Variants in ADAMTS2 observed in about 807,000 individuals in gnomAD.
The protein encoded by ADAMTS2 is A disintegrin and metalloproteinase with thrombospondin motifs 2.
A neutral mutation model predicts 123.0 loss-of-function variants in ADAMTS2; 50 were observed. That is an observed-to-expected ratio of 0.41 (90% CI 0.32 to 0.51). The LOEUF is 0.51. ADAMTS2 is among the 20% of genes least tolerant of loss of function. The pLI, the probability that ADAMTS2 is intolerant of heterozygous loss-of-function variation, is 0.35. For synonymous variants in ADAMTS2, 678 were observed against 695.4 expected, an observed-to-expected ratio of 0.98 and a Z score of 0.39; for missense variants, 1,494 against 1,705.2, an observed-to-expected ratio of 0.88 and a Z score of 2.18.
chr5:179,265,534 G>A (rs991667113), intron 3 of ADAMTS2, among the ~76,000 whole-genome samples: 1 of 152,188 alleles, frequency 6.6e-6, no homozygotes, highest in Non-Finnish European at 1.5e-5. Context: ...TGCCTTCACA[G>A]CCCAGGGGGT....
intron 6 of ADAMTS2, among the ~76,000 whole-genome samples, chr5:179,156,961 C>CTTTTTT (rs70997667): frequency 1.4e-4 from 15 of 108,382 alleles, no homozygotes; most frequent in South Asian, 3.2e-4. Context: ...TTCATTTTTT[C>CTTTTTT]TTTTTTTTTT....
At chr5:179,230,302 C>T (rs1345600023) in intron 3 of ADAMTS2, among the ~76,000 whole-genome samples, 1 of 152,160 alleles carries the variant, frequency 6.6e-6, no homozygotes, top group Non-Finnish European at 1.5e-5. Context: ...GCGGTCTGGA[C>T]ATCCCAGGGC....
chr5:179,139,712 C>T (rs968973273), intron 11 of ADAMTS2, among the ~76,000 whole-genome samples, 178 bp downstream of exon 11: 28 of 152,158 alleles, frequency 1.8e-4, no homozygotes, highest in Admixed American at 1.4e-3. Flanking sequence ...CAGAGCTAAG[C>T]GTCCCCTGAG....
rs546366317 is a variant in ADAMTS2, at chr5:179,295,584, G to T, written c.535-22520C>A. On this transcript the variant is annotated intron_variant, in intron 2 of 21. Coordinates refer to ENST00000251582, the MANE Select transcript of ADAMTS2 (RefSeq NM_014244.5). ...AGTCCAGGTGCTGGTCCCATCTCTAGGGTTTGGGATGGGACTTCCACACTC... is the reference window on the plus strand; with the variant it reads ...AGTCCAGGTGCTGGTCCCATCTCTATGGTTTGGGATGGGACTTCCACACTC... Among the ~76,000 whole-genome samples, 179 of 152,310 alleles carry T rather than the reference G, an allele frequency of 1.2e-3. 1 individual carries two copies. Among genetic ancestry groups the T allele is most frequent in the African/African-American group, 4.1e-3 (170 of 41,566 alleles).
At chr5:179,172,635 G>C (rs1202744306) in intron 5 of ADAMTS2, among the ~76,000 whole-genome samples, 1 of 152,226 alleles carries the variant, frequency 6.6e-6, no homozygotes, top group Non-Finnish European at 1.5e-5. Flanking sequence ...AGCGCCCATA[G>C]GGTGGAACAC....
Position 179,117,057 on chromosome 5 carries a change from G to A in ADAMTS2, c.3179-2733C>T, listed in dbSNP as rs2113167883. Among the ~76,000 whole-genome samples, 1 of 152,316 alleles carries A rather than the reference G, an allele frequency of 6.6e-6. No individual in the cohort carries two copies. Among genetic ancestry groups the A allele is most frequent in the African/African-American group, 2.4e-5 (1 of 41,564 alleles). On this transcript the variant is annotated intron_variant, in intron 21 of 21. Transcript: ENST00000251582. This position sits in a 1 kb window ranked among gnomAD's most constrained non-coding sequence, Gnocchi z 4.2. Reference sequence around the variant, plus strand: ...TCTCAGATAAAAATCTTACACAGGTGCCCAATATATGAAACAGATAGACTC... The same window carrying A: ...TCTCAGATAAAAATCTTACACAGGTACCCAATATATGAAACAGATAGACTC...
In ADAMTS2 at chr5:179,170,327, C is replaced by A. The variant is rs1763789152; in HGVS notation, c.975+10745G>T. ...CACAATTTGGGATGAATAACAGGAA[C>A]CGAGTATCTGGGCCACTTTCTGCCC... is the stretch of plus-strand genomic sequence containing the variant. On this transcript the variant is annotated intron_variant, in intron 5 of 21. Coordinates refer to ENST00000251582, the MANE Select transcript of ADAMTS2 (RefSeq NM_014244.5). The surrounding 1 kb of genome is among the most constrained non-coding windows in gnomAD (Gnocchi z 4.3). Among the ~76,000 whole-genome samples the A allele has an allele frequency of 2.0e-5, 3 of 152,214 alleles. No homozygotes were observed. In the Middle Eastern group the frequency reaches 0.01, roughly 518 times the overall value.
At chr5:179,224,914 G>A (rs572469438) in intron 3 of ADAMTS2, among the ~76,000 whole-genome samples, 49 of 152,262 alleles carry the variant, frequency 3.2e-4, no homozygotes, top group African/African-American at 9.6e-4. Context: ...ATCCTCCTCC[G>A]TCTGGCCTGG....
chr5:179,228,050 G>A lies in ADAMTS2; in HGVS notation c.689-20335C>T, dbSNP rs1291797868. ...GACCCTCGGGAGGAGCCGCGTGGGA[G>A]GAGGAGAAGGCCGTGTGGGGCGTGT... On this transcript the variant is annotated intron_variant, in intron 3 of 21. Coordinates refer to ENST00000251582, the MANE Select transcript of ADAMTS2 (RefSeq NM_014244.5). This position sits in a 1 kb window ranked among gnomAD's most constrained non-coding sequence, Gnocchi z 5.2. Among the ~76,000 whole-genome samples the A allele has an allele frequency of 2.0e-5, 3 of 152,134 alleles. No homozygotes were observed. The highest frequency in any genetic ancestry group is 7.2e-5 in the African/African-American group (3 of 41,428).
In ADAMTS2 at chr5:179,260,321, G is replaced by A. The variant is rs548612913; in HGVS notation, c.688+12590C>T. Among the ~76,000 whole-genome samples, 28 of 152,280 alleles carry A rather than the reference G, an allele frequency of 1.8e-4. No homozygotes were observed. The South Asian group carries it at 2.3e-3, about 12-fold the overall frequency. On this transcript the variant is annotated intron_variant, in intron 3 of 21. Transcript: ENST00000251582. The surrounding 1 kb of genome is among the most constrained non-coding windows in gnomAD (Gnocchi z 4.2). Reference sequence around the variant, plus strand: ...ATTCTTTCTTTTCACGGATATTTACGCACCAACCGTGTGCCAGGCATTCCT... The same window carrying A: ...ATTCTTTCTTTTCACGGATATTTACACACCAACCGTGTGCCAGGCATTCCT...
chr5:179,326,126 T>G (rs1473912790), intron 2 of ADAMTS2, among the ~76,000 whole-genome samples: 1 of 152,210 alleles, frequency 6.6e-6, no homozygotes, highest in Non-Finnish European at 1.5e-5. Context: ...CATTCCAGAC[T>G]GGAAATCTTT....
chr5:179,186,841 C>T (rs963637134), intron 4 of ADAMTS2, among the ~76,000 whole-genome samples: 1 of 136,180 alleles, frequency 7.3e-6, no homozygotes, highest in Admixed American at 7.3e-5. Context: ...GTCCTCCCCA[C>T]CCCCCCACCC....
chr5:179,292,983 G>T (rs781268264), intron 2 of ADAMTS2, among the ~76,000 whole-genome samples: 1 of 152,184 alleles, frequency 6.6e-6, no homozygotes, highest in South Asian at 2.1e-4. Flanking sequence ...CAGGAGCTAC[G>T]CTGGCCGGTC....
At chr5:179,304,274 A>G (rs1231361886) in intron 2 of ADAMTS2, among the ~76,000 whole-genome samples, 3 of 152,232 alleles carry the variant, frequency 2.0e-5, no homozygotes, top group Non-Finnish European at 4.4e-5. Flanking sequence ...TCATAGGGTA[A>G]TATCAAAGTG....
At chr5:179,208,352 G>A (rs1344005519) in intron 3 of ADAMTS2, among the ~76,000 whole-genome samples, 5 of 152,178 alleles carry the variant, frequency 3.3e-5, no homozygotes, top group Admixed American at 3.3e-4. Context: ...CTGAAGCGAG[G>A]CCCCACATCT....
At chr5:179,183,069 C>T (rs548281278) in intron 4 of ADAMTS2, among the ~76,000 whole-genome samples, 127 of 152,304 alleles carry the variant, frequency 8.3e-4, no homozygotes, top group African/African-American at 2.8e-3. Context: ...AACAATGAAA[C>T]GGTTTTTCAT....
At chr5:179,287,239 T>A (rs1045875445) in intron 2 of ADAMTS2, among the ~76,000 whole-genome samples, 1 of 152,142 alleles carries the variant, frequency 6.6e-6, no homozygotes, top group African/African-American at 2.4e-5. Flanking sequence ...AAGCTGCCAC[T>A]CCAGGGAAGT....
Position 179,154,030 on chromosome 5 carries a change from G to A in ADAMTS2, c.1382+19C>T. 2 of 1,591,950 alleles carry A rather than the reference G, an allele frequency of 1.3e-6. No homozygotes were observed. Among genetic ancestry groups the A allele is most frequent in the East Asian group, 2.3e-5 (1 of 44,320 alleles). ...CAGGGACTGAGGGGTCGCCCACGGG[G>A]CACATGGGCAGTACTCACTGCAGGT... On this transcript the variant is annotated intron_variant, in intron 8 of 21. Coordinates refer to ENST00000251582, the MANE Select transcript of ADAMTS2 (RefSeq NM_014244.5).
In ADAMTS2 at chr5:179,256,538, GA is replaced by G. The variant is rs869043494; in HGVS notation, c.688+16372del. 6.7e-6 allele frequency among the ~76,000 whole-genome samples: 1 copy of G among 150,302 alleles called. No individual in the cohort carries two copies. The highest frequency in any genetic ancestry group is 2.4e-5 in the African/African-American group (1 of 41,270). On this transcript the variant is annotated intron_variant, in intron 3 of 21. Coordinates refer to ENST00000251582, the MANE Select transcript of ADAMTS2 (RefSeq NM_014244.5). This position sits in a 1 kb window ranked among gnomAD's most constrained non-coding sequence, Gnocchi z 4.1. ...CATGCCTGCGTGTGTGTGAGAGAGA[GA>G]GAGGAGAGAGAGACGGAGAGAGTTT... is the stretch of plus-strand genomic sequence containing the variant.
Sources: gnomAD v4.1 joint callset for allele counts (sites outside exome capture counted in the v4.1 genomes callset) on GRCh38, gnomAD v4.1.1 for gene constraint, Gnocchi (gnomAD v3.1) non-coding constraint, MANE v1.5 for transcripts, NCBI Gene and HGNC (gene_info 2026-07-23, HGNC 2026-07-21) for gene names.